The following CSF1R variants were observed in gnomAD, a reference collection of about 807,000 sequenced individuals.
CSF1R encodes colony stimulating factor 1 receptor.
CSF1R carries 40 observed loss-of-function variants against 110.0 expected under a neutral mutation model. The ratio of observed to expected loss-of-function variants is 0.36; its 90% CI spans 0.28 to 0.47. The LOEUF (loss-of-function observed/expected upper bound fraction) is 0.47, where lower values mean the gene tolerates loss of function less well. Among genes scored for constraint, CSF1R ranks in the 20% least tolerant of loss-of-function variants. CSF1R has a pLI of 0.99. For synonymous variants in CSF1R, 523 were observed against 503.4 expected (o/e 1.04, Z -0.52); for missense variants, 1,052 against 1,253.0 (o/e 0.84, Z 2.42).
In CSF1R at chr5:150,073,651, C is replaced by T. The variant is rs41471552; in HGVS notation, c.890-158G>A. ...ACAGGTCCTCTGACACCCCTCTTCT[C>T]ACCACCCCCTTCAGAATCCCTGGAT... is the stretch of plus-strand genomic sequence containing the variant. On this transcript the variant is annotated intron_variant, in intron 5 of 20. Coordinates refer to ENST00000675795, the MANE Select transcript of CSF1R (RefSeq NM_001288705.3). Among the ~76,000 whole-genome samples, 879 of 152,292 alleles carry T rather than the reference C, an allele frequency of 5.8e-3. 7 individuals carry two copies. Among genetic ancestry groups the T allele is most frequent in the African/African-American group, 0.02 (833 of 41,550 alleles).
chr5:150,068,838 C>G (rs1371839738), intron 9 of CSF1R, among the ~76,000 whole-genome samples: 1 of 152,218 alleles, frequency 6.6e-6, no homozygotes, highest in Non-Finnish European at 1.5e-5. Flanking sequence ...GTCTCCTCTT[C>G]CCAGAATCTA....
upstream of CSF1R, chr5:150,086,604 T>TAA (rs1758858649): frequency 1.8e-6 from 1 of 560,894 alleles, no homozygotes; most frequent in Non-Finnish European, 3.1e-6. Context: ...TCTTCCCCTT[T>TAA]TAGCTAGGCA....
rs2113846024 is a variant in CSF1R, at chr5:150,086,397, CCAG to C, written c.28_30del (p.Leu10del). The C allele has an allele frequency of 6.2e-7, 1 of 1,610,330 alleles. No individual in the cohort carries two copies. Among genetic ancestry groups the C allele is most frequent in the Non-Finnish European group, 8.5e-7 (1 of 1,178,572 alleles). ...CTCTTACCATGCCAAGCTGTGGCCA[CCAG>C]CAGGAGCAGCAGAACTCCTGGGCCC... On this transcript the variant is annotated inframe_deletion, in exon 1 of 21. Coordinates refer to ENST00000675795, the MANE Select transcript of CSF1R (RefSeq NM_001288705.3).
intron 1 of CSF1R, among the ~76,000 whole-genome samples, chr5:150,096,661 T>C (rs1759233915): frequency 6.6e-6 from 1 of 152,118 alleles, no homozygotes; most frequent in Non-Finnish European, 1.5e-5. Flanking sequence ...ATTATAAGAG[T>C]TAAAGGTTGA....
intron 4 of CSF1R, among the ~76,000 whole-genome samples, chr5:150,077,879 A>C: frequency 1.3e-5 from 2 of 151,626 alleles, no homozygotes; most frequent in African/African-American, 2.4e-5. Flanking sequence ...ACAGAGAACC[A>C]CCTCCCCCCA....
chr5:150,098,340 T>C (rs888644168), intron 1 of CSF1R: 1 of 152,212 alleles, frequency 6.6e-6, no homozygotes, highest in Non-Finnish European at 1.5e-5. Flanking sequence ...CCTTGAGGGT[T>C]ATGGAAAGAT....
chr5:150,059,166 T>C (rs1340267864), intron 14 of CSF1R, among the ~76,000 whole-genome samples: 1 of 152,190 alleles, frequency 6.6e-6, no homozygotes, highest in Non-Finnish European at 1.5e-5. Flanking sequence ...CGCCTCAGCC[T>C]CCCGAGTAGC....
At chr5:150,071,277 TTTTG>T (rs1254903850) in intron 6 of CSF1R, among the ~76,000 whole-genome samples, 2 of 152,342 alleles carry the variant, frequency 1.3e-5, no homozygotes, top group Non-Finnish European at 2.9e-5. Context: ...CTGGGAAATT[TTTTG>T]TTTTATTCTT....
intron 1 of CSF1R, among the ~76,000 whole-genome samples, chr5:150,092,366 G>T (rs1759072616): frequency 6.6e-6 from 1 of 152,146 alleles, no homozygotes. Flanking sequence ...ATCTCCACAG[G>T]GGATACATTC....
chr5:150,087,756 C>T (rs1758902736), upstream of CSF1R, among the ~76,000 whole-genome samples: 1 of 150,400 alleles, frequency 6.6e-6, no homozygotes, highest in Non-Finnish European at 1.5e-5. Context: ...TTTTCTGAGA[C>T]AGGGTTTGGT....
chr5:150,087,736 T>A (rs1201207415), upstream of CSF1R, among the ~76,000 whole-genome samples: 2 of 152,148 alleles, frequency 1.3e-5, no homozygotes, highest in Non-Finnish European at 2.9e-5. Flanking sequence ...TCTTCTTTTT[T>A]TCTTTTTTTT....
At chr5:150,057,457 T>C (rs751851291) in intron 15 of CSF1R, 47 bp downstream of exon 15, 16 of 1,611,606 alleles carry the variant, frequency 9.9e-6, no homozygotes, top group Admixed American at 3.3e-5. Flanking sequence ...CCTTCTCCTT[T>C]TCCCTTGTTA....
chr5:150,106,682 C>G (rs1759566758), intron 1 of CSF1R, among the ~76,000 whole-genome samples: 1 of 152,202 alleles, frequency 6.6e-6, no homozygotes, highest in Non-Finnish European at 1.5e-5. Flanking sequence ...AGGCCATACC[C>G]TGTAGCAGGG....
In CSF1R at chr5:150,077,349, A is replaced by G. The variant is rs1322480368; in HGVS notation, c.816T>C (p.His272=). 2 of 1,614,206 alleles carry G rather than the reference A, an allele frequency of 1.2e-6. No homozygotes were observed. The highest frequency in any genetic ancestry group is 1.7e-6 in the Non-Finnish European group (2 of 1,180,046). The change falls in exon 5 of 21, where the codon CAT becomes CAC. Residue 272 remains histidine, a synonymous_variant. Transcript: ENST00000675795. ...TLNLDQVDFQ[H]AGNYSCVASN... ...TGGCCACGCAGGAGTAGTTGCCGGC[A>G]TGTTGGAAATCTACTTGATCGAGGT...
intron 10 of CSF1R, chr5:150,067,274 G>C (rs566873735): frequency 6.6e-6 from 1 of 152,194 alleles, no homozygotes; most frequent in South Asian, 2.1e-4. Flanking sequence ...CCTGCCTCCA[G>C]CTTCTTGTGA....
Position 150,061,850 on chromosome 5 carries a change from C to A in CSF1R, c.1627-1G>T. The A allele has an allele frequency of 6.2e-7, 1 of 1,614,148 alleles. No homozygotes were observed. The highest frequency in any genetic ancestry group is 8.5e-7 in the Non-Finnish European group (1 of 1,180,006). ...TCCAGCGGACCTGGTACTTGGGCTT[C>A]TGCAGAAGAGGAAGGGAGCACGTGG... On this transcript the variant is annotated splice_acceptor_variant, in intron 10 of 20. Transcript: ENST00000675795. LOFTEE classifies it high-confidence loss of function.
chr5:150,085,967 G>T (rs1341247686), intron 1 of CSF1R, among the ~76,000 whole-genome samples: 1 of 152,152 alleles, frequency 6.6e-6, no homozygotes, highest in Non-Finnish European at 1.5e-5. Flanking sequence ...ACCTGAGACC[G>T]ACTGAGTCTG....
intron 1 of CSF1R, among the ~76,000 whole-genome samples, chr5:150,083,645 T>C (rs57603706): frequency 0.044 from 6,737 of 151,996 alleles, 482 homozygotes; most frequent in African/African-American, 0.15. Context: ...ACCATGCCCC[T>C]GTGAAGGGAA....
At chr5:150,097,897 C>A (rs1382172586) in intron 1 of CSF1R, among the ~76,000 whole-genome samples, 2 of 152,140 alleles carry the variant, frequency 1.3e-5, no homozygotes, top group Non-Finnish European at 2.9e-5. Context: ...TGTAAATTGA[C>A]AAGCTGATTC....
Sources: allele counts gnomAD v4.1 joint callset (sites outside exome capture counted in the v4.1 genomes callset), GRCh38; gene constraint gnomAD v4.1.1; transcripts MANE v1.5; gene names NCBI Gene and HGNC (gene_info 2026-07-23, HGNC 2026-07-21).